PCDHAC1: variants seen among roughly 807,000 people sequenced by gnomAD.
PCDHAC1 encodes protocadherin alpha subfamily C, 1, also known as protocadherin alpha-C1.
Under a neutral mutation model 60.0 loss-of-function variants are expected in PCDHAC1, and 42 were observed. That is an observed-to-expected ratio of 0.70 (90% confidence interval 0.55 to 0.90). The LOEUF (loss-of-function observed/expected upper bound fraction) is 0.90, where lower values mean the gene tolerates loss of function less well. PCDHAC1 is among the 40% of genes least tolerant of loss of function. The probability of loss-of-function intolerance (pLI) is 0.00; values close to 1 mark genes in which losing one functional copy is unlikely to be tolerated. For missense variants in PCDHAC1, 1,160 were observed against 1,222.3 expected (o/e 0.95, Z 0.76); for synonymous variants, 468 against 499.3 (o/e 0.94, Z 0.84).
intron 1 of PCDHAC1, among the ~76,000 whole-genome samples, chr5:140,963,550 A>G (rs1484541648): frequency 6.6e-6 from 1 of 152,202 alleles, no homozygotes; most frequent in Non-Finnish European, 1.5e-5. Context: ...TGATATAAAA[A>G]GGGGCTGTTT....
At chr5:140,969,514 G>T (rs2096339995) in intron 1 of PCDHAC1, 3 of 1,414,044 alleles carry the variant, frequency 2.1e-6, no homozygotes, top group Admixed American at 2.8e-5. Flanking sequence ...TAGCACTAAA[G>T]AATTGTTTTA....
chr5:140,941,173 A>G (rs1235741316), intron 1 of PCDHAC1, among the ~76,000 whole-genome samples: 5 of 135,522 alleles, frequency 3.7e-5, no homozygotes, highest in Non-Finnish European at 4.9e-5. Flanking sequence ...CCCCATCTTG[A>G]ACATCCTGCT....
chr5:140,985,084 T>A (rs2097135513), intron 3 of PCDHAC1, among the ~76,000 whole-genome samples: 1 of 151,986 alleles, frequency 6.6e-6, no homozygotes. Context: ...ACTACAGGCG[T>A]GTGCCACCAA....
intron 3 of PCDHAC1, among the ~76,000 whole-genome samples, chr5:140,996,776 A>G (rs1554255393): frequency 6.6e-6 from 1 of 152,206 alleles, no homozygotes; most frequent in Non-Finnish European, 1.5e-5. Flanking sequence ...TAAAATGAGT[A>G]GTGCCTCACT....
chr5:140,931,838 C>G (rs572437091), intron 1 of PCDHAC1, among the ~76,000 whole-genome samples: 4 of 151,894 alleles, frequency 2.6e-5, no homozygotes, highest in African/African-American at 9.6e-5. Context: ...ATCCTGAATG[C>G]CTTAATAACA....
At chr5:140,993,521 G>A (rs1554253818) in intron 3 of PCDHAC1, among the ~76,000 whole-genome samples, 1 of 151,130 alleles carries the variant, frequency 6.6e-6, no homozygotes, top group African/African-American at 2.4e-5. Context: ...GGGAGAGAGA[G>A]ACAGAGAGAG....
chr5:140,946,219 G>T (rs2093905754), intron 1 of PCDHAC1, among the ~76,000 whole-genome samples: 1 of 151,856 alleles, frequency 6.6e-6, no homozygotes, highest in African/African-American at 2.4e-5. Context: ...TGACCAACAG[G>T]TATACTAAAA....
At chr5:140,985,310 TG>T (rs1563522847) in intron 3 of PCDHAC1, among the ~76,000 whole-genome samples, 2 of 152,196 alleles carry the variant, frequency 1.3e-5, no homozygotes, top group African/African-American at 4.8e-5. Flanking sequence ...GATAGCCTGG[TG>T]GCCAGAATTC....
In PCDHAC1 at chr5:140,936,501, T is replaced by A. The variant is rs192125282; in HGVS notation, c.2433+7176T>A. On this transcript the variant is annotated intron_variant, in intron 1 of 3. Transcript: ENST00000253807. ...AGCTTTCTTGTTTTAACTTGCACATTTAGATCTTAAATTACCTGAAATTGC... is the reference window on the plus strand; with the variant it reads ...AGCTTTCTTGTTTTAACTTGCACATATAGATCTTAAATTACCTGAAATTGC... Among the ~76,000 whole-genome samples, 509 of 152,360 alleles carry A rather than the reference T, an allele frequency of 3.3e-3. 1 individual carries two copies. Among genetic ancestry groups the A allele is most frequent in the African/African-American group, 0.011 (472 of 41,592 alleles).
Position 140,927,725 on chromosome 5 carries a change from C to CA in PCDHAC1, c.834dup (p.Glu279ArgfsTer11). 1 of 1,614,202 alleles carries CA rather than the reference C, an allele frequency of 6.2e-7. No homozygotes were observed. The highest frequency in any genetic ancestry group is 8.5e-7 in the Non-Finnish European group (1 of 1,180,020). ...TACTCCCTAAGCAACAGCACGCAAGCAGAGCTGCGACACCGCTTTCACGTG... is the reference window on the plus strand; with the variant it reads ...TACTCCCTAAGCAACAGCACGCAAGCAAGAGCTGCGACACCGCTTTCACGTG... On this transcript the variant is annotated frameshift_variant, in exon 1 of 4. Coordinates refer to ENST00000253807, the MANE Select transcript of PCDHAC1 (RefSeq NM_018898.5). LOFTEE classifies it high-confidence loss of function.
chr5:140,940,988 T>G (rs2092713422), intron 1 of PCDHAC1, among the ~76,000 whole-genome samples: 1 of 152,206 alleles, frequency 6.6e-6, no homozygotes, highest in African/African-American at 2.4e-5. Flanking sequence ...AGTTACAAGT[T>G]TATAGGATTA....
intron 1 of PCDHAC1, chr5:140,966,499 A>C (rs960365429): frequency 1.4e-5 from 6 of 431,834 alleles, no homozygotes; most frequent in Non-Finnish European, 2.4e-5. Context: ...CTGGAGCTGT[A>C]GCGGCAGCAG....
At chr5:140,937,070 C>G (rs1363778213) in intron 1 of PCDHAC1, among the ~76,000 whole-genome samples, 2 of 147,796 alleles carry the variant, frequency 1.4e-5, no homozygotes, top group Admixed American at 1.4e-4. Context: ...CGGAGTCTCG[C>G]TCTGTCGCCC....
At position 140,965,675 on chromosome 5, in the gene PCDHAC1, A is replaced by G. The variant is rs1049081993; in HGVS notation, c.2434-13274A>G. ...AAATGTCTTGGGTGATAAATGTAAA[A>G]GATTTGAAGCAAGATTAGAAAAAGC... On this transcript the variant is annotated intron_variant, in intron 1 of 3. Transcript: ENST00000253807. Among the ~76,000 whole-genome samples, 4 of 152,350 alleles carry G rather than the reference A, an allele frequency of 2.6e-5. No homozygotes were observed. The East Asian group carries it at 7.7e-4, about 29-fold the overall frequency.
chr5:140,998,442 T>G lies in PCDHAC1; in HGVS notation c.2582-11185T>G, dbSNP rs368931467. On this transcript the variant is annotated intron_variant, in intron 3 of 3. Coordinates refer to ENST00000253807, the MANE Select transcript of PCDHAC1 (RefSeq NM_018898.5). ...GGTTTATCCTTTAACACTATTATTGTATTTATTCATTTACTTGTCTTTTCC... is the reference window on the plus strand; with the variant it reads ...GGTTTATCCTTTAACACTATTATTGGATTTATTCATTTACTTGTCTTTTCC... 1.7e-4 allele frequency among the ~76,000 whole-genome samples: 26 copies of G among 152,352 alleles called. No individual in the cohort carries two copies. In the South Asian group the frequency reaches 5.2e-3, roughly 30 times the overall value.
intron 3 of PCDHAC1, among the ~76,000 whole-genome samples, chr5:141,002,329 A>C (rs2098072323): frequency 6.6e-6 from 1 of 152,226 alleles, no homozygotes; most frequent in Non-Finnish European, 1.5e-5. Context: ...GCCGGGCTGC[A>C]TCCGCACCCC....
At chr5:140,967,025 C>G (rs2153750258) in intron 1 of PCDHAC1, 1 of 1,608,362 alleles carries the variant, frequency 6.2e-7, no homozygotes, top group Middle Eastern at 1.7e-4. Flanking sequence ...TGCGCCCAGT[C>G]CGCGCTACCT....
intron 1 of PCDHAC1, among the ~76,000 whole-genome samples, chr5:140,973,831 C>T (rs1212841510): frequency 1.3e-5 from 2 of 152,214 alleles, no homozygotes; most frequent in African/African-American, 4.8e-5. Flanking sequence ...GTTCTGGGTA[C>T]TTGCTTGTTG....
At chr5:140,956,281 G>A (rs551518322) in intron 1 of PCDHAC1, among the ~76,000 whole-genome samples, 14 of 152,008 alleles carry the variant, frequency 9.2e-5, no homozygotes, top group Admixed American at 2.0e-4. Flanking sequence ...ATTGGCTGTG[G>A]GTTTATCATA....
Sources: allele counts gnomAD v4.1 joint callset (sites outside exome capture counted in the v4.1 genomes callset), GRCh38; gene constraint gnomAD v4.1.1; transcripts MANE v1.5; gene names NCBI Gene and HGNC (gene_info 2026-07-23, HGNC 2026-07-21).